CRISPLD2: variants seen among roughly 807,000 people sequenced by gnomAD.
The protein encoded by CRISPLD2 is cysteine-rich secretory protein LCCL domain-containing 2.
CRISPLD2 carries 47 observed loss-of-function variants against 71.1 expected under a neutral mutation model. The ratio of observed to expected loss-of-function variants is 0.66; its 90% CI spans 0.52 to 0.84. The LOEUF (loss-of-function observed/expected upper bound fraction) is 0.84. CRISPLD2 is among the 40% of genes least tolerant of loss of function. CRISPLD2 has a pLI of 0.00. For missense variants in CRISPLD2, 830 were observed against 651.1 expected, an observed-to-expected ratio of 1.27 and a Z score of -2.99; for synonymous variants, 317 against 250.1, an observed-to-expected ratio of 1.27 and a Z score of -2.52.
At chr16:84,834,096 G>A (rs2143159123) in intron 1 of CRISPLD2, among the ~76,000 whole-genome samples, 1 of 152,268 alleles carries the variant, frequency 6.6e-6, no homozygotes, top group Middle Eastern at 3.4e-3. Flanking sequence ...GCTCGCCCTG[G>A]GCAGGTTCCT....
intron 6 of CRISPLD2, among the ~76,000 whole-genome samples, chr16:84,863,872 G>A (rs1033277836): frequency 1.9e-4 from 28 of 148,948 alleles, no homozygotes; most frequent in East Asian, 5.9e-4. Flanking sequence ...TAGGAGAATC[G>A]CTTGAACCCG....
At chr16:84,820,821 C>T (rs1219033257) in intron 1 of CRISPLD2, among the ~76,000 whole-genome samples, 1 of 152,164 alleles carries the variant, frequency 6.6e-6, no homozygotes, top group South Asian at 2.1e-4. Flanking sequence ...GAGCGGGCAC[C>T]TGCATAACTC....
intron 13 of CRISPLD2, among the ~76,000 whole-genome samples, chr16:84,887,011 G>A (rs1035613747): frequency 6.6e-6 from 1 of 152,168 alleles, no homozygotes; most frequent in South Asian, 2.1e-4. Flanking sequence ...CTGTCTCCAG[G>A]AATTTGACTT....
chr16:84,864,384 C>T (rs1441805721), intron 6 of CRISPLD2, among the ~76,000 whole-genome samples: 2 of 152,176 alleles, frequency 1.3e-5, no homozygotes, highest in South Asian at 2.1e-4. Flanking sequence ...AAACTGTCTT[C>T]GGCTAAATAA....
At chr16:84,897,086 G>A (rs572921617) in intron 14 of CRISPLD2, among the ~76,000 whole-genome samples, 3 of 152,348 alleles carry the variant, frequency 2.0e-5, no homozygotes, top group South Asian at 2.1e-4. Context: ...AGGGAGCCCC[G>A]TGCTTCTGGG....
chr16:84,856,335 A>T (rs1183817780), intron 6 of CRISPLD2, among the ~76,000 whole-genome samples: 1 of 152,140 alleles, frequency 6.6e-6, no homozygotes, highest in Non-Finnish European at 1.5e-5. Flanking sequence ...TTGATGATCC[A>T]TGTCACTCAC....
chr16:84,906,195 C>A (rs935156545), intron 14 of CRISPLD2, among the ~76,000 whole-genome samples: 1 of 151,990 alleles, frequency 6.6e-6, no homozygotes, highest in East Asian at 1.9e-4. Context: ...AAGCACCTGG[C>A]ATATGCAGTA....
intron 6 of CRISPLD2, among the ~76,000 whole-genome samples, chr16:84,859,592 TGGAG>T (rs1443600557): frequency 2.6e-5 from 4 of 152,352 alleles, no homozygotes; most frequent in African/African-American, 7.2e-5. Flanking sequence ...TGGAAATTGA[TGGAG>T]GGACCGTGAT....
intron 1 of CRISPLD2, among the ~76,000 whole-genome samples, chr16:84,832,525 TC>T (rs1477891437): frequency 6.6e-6 from 1 of 152,262 alleles, no homozygotes; most frequent in African/African-American, 2.4e-5. Flanking sequence ...GACTTAGACA[TC>T]GACGCTTCGG....
Position 84,862,573 on chromosome 16 carries a change from G to A in CRISPLD2, c.710-4324G>A, listed in dbSNP as rs370911299. Reference sequence around the variant, plus strand: ...AACACAGGTTTCTGGTGCCTAAAGCGTTTCTCATGTCTTGGGATATTTCCT... The same window carrying A: ...AACACAGGTTTCTGGTGCCTAAAGCATTTCTCATGTCTTGGGATATTTCCT... On this transcript the variant is annotated intron_variant, in intron 6 of 14. Transcript: ENST00000262424. 1.1e-4 allele frequency among the ~76,000 whole-genome samples: 17 copies of A among 151,016 alleles called. No homozygotes were observed. In the East Asian group the frequency reaches 2.3e-3, roughly 21 times the overall value.
chr16:84,824,552 G>A lies in CRISPLD2; in HGVS notation c.-75+4419G>A, dbSNP rs75836077. On this transcript the variant is annotated intron_variant, in intron 1 of 14. Coordinates refer to ENST00000262424, the MANE Select transcript of CRISPLD2 (RefSeq NM_031476.4). ...GCTTATGGCAAGGTGAAAGTCACAG[G>A]TGGAATTGTCCCTATCACCTCTCCC... Among the ~76,000 whole-genome samples the A allele has an allele frequency of 5.4e-4, 82 of 152,300 alleles. No homozygotes were observed. In the East Asian group the frequency reaches 0.016, roughly 29 times the overall value.
At chr16:84,832,626 G>A (rs757906456) in intron 1 of CRISPLD2, among the ~76,000 whole-genome samples, 1 of 152,274 alleles carries the variant, frequency 6.6e-6, no homozygotes, top group Non-Finnish European at 1.5e-5. Context: ...GCAATGAGCA[G>A]GAATTCATCT....
intron 8 of CRISPLD2, among the ~76,000 whole-genome samples, chr16:84,871,332 G>A (rs2071467392): frequency 6.6e-6 from 1 of 152,074 alleles, no homozygotes; most frequent in Non-Finnish European, 1.5e-5. Flanking sequence ...AAGGTGGGTG[G>A]ATTGCTTGAG....
At position 84,905,202 on chromosome 16, in the gene CRISPLD2, G is replaced by A. The variant is rs540997568; in HGVS notation, c.1440-1386G>A. On this transcript the variant is annotated intron_variant, in intron 14 of 14. Transcript: ENST00000262424. ...GGATCGCTTGCACTCAGGAGGTCAA[G>A]GCTGAAGTAAGCCACGATCATGCCA... Among the ~76,000 whole-genome samples, 7 of 152,272 alleles carry A rather than the reference G, an allele frequency of 4.6e-5. No homozygotes were observed. In the South Asian group the frequency reaches 1.0e-3, roughly 23 times the overall value.
intron 3 of CRISPLD2, among the ~76,000 whole-genome samples, chr16:84,847,130 A>G (rs572123786): frequency 7.9e-5 from 12 of 152,202 alleles, no homozygotes; most frequent in Non-Finnish European, 1.5e-4. Flanking sequence ...AAAAGTTGGA[A>G]TGGGCTTTAG....
At chr16:84,876,510 A>AG (rs1567698126) in intron 11 of CRISPLD2, among the ~76,000 whole-genome samples, 1 of 150,780 alleles carries the variant, frequency 6.6e-6, no homozygotes, top group Non-Finnish European at 1.5e-5. Flanking sequence ...TCAAAAAAAA[A>AG]AGGCCGGTGC....
chr16:84,826,170 C>T (rs1005064575), intron 1 of CRISPLD2, among the ~76,000 whole-genome samples: 7 of 152,116 alleles, frequency 4.6e-5, no homozygotes, highest in African/African-American at 1.7e-4. Flanking sequence ...CTGGGGTCAG[C>T]GTGGAGCTGT....
At chr16:84,834,224 C>T (rs367961870) in intron 1 of CRISPLD2, among the ~76,000 whole-genome samples, 9 of 152,292 alleles carry the variant, frequency 5.9e-5, no homozygotes, top group South Asian at 4.1e-4. Flanking sequence ...CCACGACGGG[C>T]GCAGGGCAGG....
chr16:84,892,350 G>T (rs73253419), intron 14 of CRISPLD2, among the ~76,000 whole-genome samples: 113 of 152,306 alleles, frequency 7.4e-4, no homozygotes, highest in African/African-American at 2.5e-3. Flanking sequence ...AGAGTCACGC[G>T]AACCTGGCAA....
Sources: gnomAD v4.1 joint callset for allele counts (sites outside exome capture counted in the v4.1 genomes callset) on GRCh38, gnomAD v4.1.1 for gene constraint, MANE v1.5 for transcripts, NCBI Gene and HGNC (gene_info 2026-07-23, HGNC 2026-07-21) for gene names.